MIPEP: variants seen among roughly 807,000 people sequenced by gnomAD.
MIPEP encodes the protein mitochondrial intermediate peptidase.
A neutral mutation model predicts 90.3 loss-of-function variants in MIPEP; 79 were observed. The ratio of observed to expected loss-of-function variants is 0.87; its 90% CI spans 0.73 to 1.05. The LOEUF (loss-of-function observed/expected upper bound fraction) is 1.05, where lower values mean the gene tolerates loss of function less well. Ranked by LOEUF, MIPEP falls within the 50% of genes least tolerant of loss-of-function variation. MIPEP has a pLI of 0.00. For synonymous variants in MIPEP, 334 were observed against 315.8 expected, an observed-to-expected ratio of 1.06 and a Z score of -0.61; for missense variants, 940 against 905.6, an observed-to-expected ratio of 1.04 and a Z score of -0.49.
At chr13:23,732,296 G>C (rs1952214857) in intron 18 of MIPEP, among the ~76,000 whole-genome samples, 2 of 152,120 alleles carry the variant, frequency 1.3e-5, no homozygotes. Context: ...ACCAAATGTT[G>C]ACAAGGCTGT....
chr13:23,782,928 G>T (rs1223360057), intron 16 of MIPEP, among the ~76,000 whole-genome samples: 3 of 152,132 alleles, frequency 2.0e-5, no homozygotes, highest in African/African-American at 7.2e-5. Flanking sequence ...TCCCTGAATA[G>T]ACCAATAACA....
At chr13:23,871,170 C>T (rs998923645) in intron 5 of MIPEP, among the ~76,000 whole-genome samples, 2 of 152,232 alleles carry the variant, frequency 1.3e-5, no homozygotes, top group Non-Finnish European at 2.9e-5. Flanking sequence ...ATGGTCCTTG[C>T]TCCTGCCAGG....
At chr13:23,787,405 G>GGAGA (rs59011010) in intron 16 of MIPEP, among the ~76,000 whole-genome samples, 37 of 137,066 alleles carry the variant, frequency 2.7e-4, no homozygotes, top group Non-Finnish European at 4.0e-4. Context: ...ACGGGGAGAG[G>GGAGA]GAGAGAGAGA....
At chr13:23,887,903 C>A (rs1218838138) in intron 1 of MIPEP, among the ~76,000 whole-genome samples, 7 of 152,130 alleles carry the variant, frequency 4.6e-5, no homozygotes, top group Non-Finnish European at 1.0e-4. Flanking sequence ...AAACAAATGT[C>A]ATCTTTATAC....
chr13:23,750,832 T>A (rs977688180), intron 18 of MIPEP, among the ~76,000 whole-genome samples: 7 of 152,246 alleles, frequency 4.6e-5, no homozygotes, highest in African/African-American at 1.4e-4. Flanking sequence ...ATCCCAAGAC[T>A]GTGATTTATT....
chr13:23,803,505 A>AT (rs1050311976), intron 16 of MIPEP, among the ~76,000 whole-genome samples: 4 of 151,706 alleles, frequency 2.6e-5, no homozygotes, highest in African/African-American at 7.2e-5. Flanking sequence ...ACAGGGCTGC[A>AT]TTTTTTTTTC....
chr13:23,789,920 T>C (rs925516279), intron 16 of MIPEP, among the ~76,000 whole-genome samples: 1 of 152,202 alleles, frequency 6.6e-6, no homozygotes, highest in African/African-American at 2.4e-5. Context: ...TTCTGCCCTC[T>C]TCTTTTTCCT....
At chr13:23,746,397 G>T (rs1340081881) in intron 18 of MIPEP, among the ~76,000 whole-genome samples, 1 of 151,792 alleles carries the variant, frequency 6.6e-6, no homozygotes, top group Non-Finnish European at 1.5e-5. Context: ...ACTTTGGGAG[G>T]CTGGGGCAGG....
At chr13:23,784,450 A>G (rs1223345906) in intron 16 of MIPEP, among the ~76,000 whole-genome samples, 1 of 152,094 alleles carries the variant, frequency 6.6e-6, no homozygotes, top group East Asian at 1.9e-4. Context: ...GAAAGCTGAA[A>G]CTGGATCCCT....
chr13:23,776,796 G>A (rs1465005077), intron 16 of MIPEP, among the ~76,000 whole-genome samples: 1 of 149,940 alleles, frequency 6.7e-6, no homozygotes, highest in Non-Finnish European at 1.5e-5. Context: ...TGTAAAATCT[G>A]TACAGTAGCT....
chr13:23,777,579 G>C (rs534379883), intron 16 of MIPEP, among the ~76,000 whole-genome samples: 3 of 152,302 alleles, frequency 2.0e-5, no homozygotes, highest in African/African-American at 7.2e-5. Flanking sequence ...GAAGCTGGGT[G>C]AAAGGTACTT....
intron 14 of MIPEP, among the ~76,000 whole-genome samples, chr13:23,820,286 T>C (rs1953290765): frequency 6.6e-6 from 1 of 152,214 alleles, no homozygotes; most frequent in Non-Finnish European, 1.5e-5. Context: ...GGTCAGATTG[T>C]CTAGGAAATT....
chr13:23,821,920 T>C (rs1008384386), intron 14 of MIPEP, among the ~76,000 whole-genome samples: 15 of 152,198 alleles, frequency 9.9e-5, no homozygotes, highest in African/African-American at 3.4e-4. Context: ...GTTAGTTGAC[T>C]GTGTGGACAC....
intron 18 of MIPEP, among the ~76,000 whole-genome samples, chr13:23,751,089 C>T (rs185506360): frequency 7.2e-5 from 11 of 152,288 alleles, no homozygotes; most frequent in African/African-American, 1.9e-4. Context: ...TGATGTGCTC[C>T]GTGCTGCTGG....
intron 5 of MIPEP, among the ~76,000 whole-genome samples, chr13:23,871,225 C>G (rs1255892011): frequency 6.6e-6 from 1 of 152,196 alleles, no homozygotes; most frequent in Non-Finnish European, 1.5e-5. Flanking sequence ...GCGGACACAT[C>G]TGCTTAGGTT....
At chr13:23,889,071 C>T (rs1372351971) in intron 1 of MIPEP, 61 bp downstream of exon 1, 63 of 1,330,286 alleles carry the variant, frequency 4.7e-5, no homozygotes, top group Non-Finnish European at 7.7e-6. Flanking sequence ...TGTTGCTGGC[C>T]GCGCGGAGCA....
intron 18 of MIPEP, among the ~76,000 whole-genome samples, chr13:23,732,102 G>A (rs369286490): frequency 2.7e-5 from 4 of 149,324 alleles, no homozygotes; most frequent in African/African-American, 7.4e-5. Flanking sequence ...TGATCCTCCC[G>A]TCTCAGCTTG....
At chr13:23,840,958 G>T (rs1869269026) in intron 11 of MIPEP, among the ~76,000 whole-genome samples, 1 of 152,084 alleles carries the variant, frequency 6.6e-6, no homozygotes, top group African/African-American at 2.4e-5. Flanking sequence ...ATGGGATGGG[G>T]GTTGGAGAGA....
intron 15 of MIPEP, 129 bp downstream of exon 15, chr13:23,809,721 A>T: frequency 3.2e-6 from 2 of 622,376 alleles, no homozygotes; most frequent in East Asian, 5.9e-5. Flanking sequence ...AAGTTCTTTG[A>T]ACTCAGATGA....
Sources: allele counts gnomAD v4.1 joint callset (sites outside exome capture counted in the v4.1 genomes callset), GRCh38; gene constraint gnomAD v4.1.1; transcripts MANE v1.5; gene names NCBI Gene and HGNC (gene_info 2026-07-23, HGNC 2026-07-21).